The following FGF10 variants were observed in gnomAD, a reference collection of about 807,000 sequenced individuals.
FGF10 encodes the protein FGF-10.
FGF10 carries 2 observed loss-of-function variants against 19.8 expected under a neutral mutation model. The observed-to-expected ratio is 0.10, with a 90% confidence interval of 0.04 to 0.32. The LOEUF (loss-of-function observed/expected upper bound fraction) is 0.32. Among genes scored for constraint, FGF10 ranks in the 10% least tolerant of loss-of-function variants. The pLI, the probability that FGF10 is intolerant of heterozygous loss-of-function variation, is 1.00. For missense variants in FGF10, 191 were observed against 246.3 expected, an observed-to-expected ratio of 0.78 and a Z score of 1.50; for synonymous variants, 112 against 94.0, an observed-to-expected ratio of 1.19 and a Z score of -1.10.
At position 44,353,062 on chromosome 5, in the gene FGF10, A is replaced by C. The variant is rs147913997; in HGVS notation, c.325+35296T>G. Among the ~76,000 whole-genome samples, 75 of 151,728 alleles carry C rather than the reference A, an allele frequency of 4.9e-4. 1 individual carries two copies. The East Asian group carries it at 0.014, about 28-fold the overall frequency. ...GAAACCAAATAGTCTCTGTGTTCTC[A>C]TTTTTATTACAGAGACGCAACTGAT... On this transcript the variant is annotated intron_variant, in intron 1 of 2. Transcript: ENST00000264664.
chr5:44,367,845 T>G (rs995034042), intron 1 of FGF10, among the ~76,000 whole-genome samples: 1 of 254 alleles, frequency 3.9e-3, no homozygotes, highest in South Asian at 0.25. Flanking sequence ...TGTATGCTGT[T>G]TTTTTTTTTT....
At chr5:44,326,680 A>G (rs1349499757) in intron 1 of FGF10, among the ~76,000 whole-genome samples, 2 of 151,806 alleles carry the variant, frequency 1.3e-5, no homozygotes, top group African/African-American at 2.4e-5. Flanking sequence ...AAGTGTTGAG[A>G]CCACCCTTAG....
At chr5:44,305,566 G>A (rs1740056620) in intron 2 of FGF10, among the ~76,000 whole-genome samples, 1 of 152,066 alleles carries the variant, frequency 6.6e-6, no homozygotes, top group Non-Finnish European at 1.5e-5. Flanking sequence ...TTCTTTTACA[G>A]TAATAACCAG....
intron 1 of FGF10, among the ~76,000 whole-genome samples, chr5:44,362,923 T>C (rs1400533295): frequency 1.3e-5 from 2 of 151,760 alleles, no homozygotes; most frequent in Non-Finnish European, 2.9e-5. Flanking sequence ...TGTTTATGCG[T>C]CTGTCTCTGG....
intron 1 of FGF10, among the ~76,000 whole-genome samples, chr5:44,337,483 C>T (rs1254438377): frequency 6.6e-6 from 1 of 152,164 alleles, no homozygotes; most frequent in Non-Finnish European, 1.5e-5. Context: ...ACCATCATTA[C>T]CTTTTGATGA....
chr5:44,311,337 A>C (rs1374963), intron 1 of FGF10, among the ~76,000 whole-genome samples: 151,654 of 152,166 alleles, frequency 1, 75,577 homozygotes, highest in Middle Eastern at 1. Context: ...ATCGTCTACT[A>C]AAAGTGCCCA....
intron 1 of FGF10, among the ~76,000 whole-genome samples, chr5:44,361,861 G>A (rs149971457): frequency 1.7e-4 from 26 of 151,296 alleles, no homozygotes; most frequent in Admixed American, 8.6e-4. Context: ...ATTTCCTTTC[G>A]TCTGCATCTG....
chr5:44,375,982 T>C (rs1454796909), intron 1 of FGF10, among the ~76,000 whole-genome samples: 1 of 152,146 alleles, frequency 6.6e-6, no homozygotes, highest in Non-Finnish European at 1.5e-5. Flanking sequence ...GATGAAAGCA[T>C]TAATCTGCTG....
intron 1 of FGF10, among the ~76,000 whole-genome samples, chr5:44,379,640 T>C (rs2111914792): frequency 6.6e-6 from 1 of 152,352 alleles, no homozygotes; most frequent in East Asian, 1.9e-4. Flanking sequence ...CGATGACTTC[T>C]GTGGGACTTC....
At chr5:44,373,300 T>C (rs1285310927) in intron 1 of FGF10, among the ~76,000 whole-genome samples, 1 of 152,202 alleles carries the variant, frequency 6.6e-6, no homozygotes, top group Non-Finnish European at 1.5e-5. Flanking sequence ...GTCGTACCCT[T>C]AGCCTTCTCT....
intron 1 of FGF10, among the ~76,000 whole-genome samples, chr5:44,313,861 C>T (rs1476755341): frequency 6.6e-6 from 1 of 152,032 alleles, no homozygotes; most frequent in Non-Finnish European, 1.5e-5. Context: ...GAAGGGTACG[C>T]TTTTAGAAAA....
intron 1 of FGF10, among the ~76,000 whole-genome samples, chr5:44,325,919 C>T (rs960153808): frequency 2.6e-5 from 4 of 151,978 alleles, no homozygotes; most frequent in African/African-American, 9.7e-5. Flanking sequence ...CTCTATATTT[C>T]AACAAAATAG....
intron 1 of FGF10, among the ~76,000 whole-genome samples, chr5:44,376,092 T>C (rs994979039): frequency 1.3e-5 from 2 of 152,104 alleles, no homozygotes; most frequent in Non-Finnish European, 2.9e-5. Flanking sequence ...AGAACTAACA[T>C]TGTCAAACTC....
chr5:44,323,777 C>T (rs534142412), intron 1 of FGF10, among the ~76,000 whole-genome samples: 2 of 152,184 alleles, frequency 1.3e-5, no homozygotes, highest in South Asian at 4.1e-4. Context: ...TCCTGTTTTA[C>T]TTTTTAAAAA....
Position 44,384,840 on chromosome 5 carries a change from T to C in FGF10, c.325+3518A>G, listed in dbSNP as rs567161626. ...TCCCAGAAAGGCCCAGGAGCCTTTT[T>C]TGTGAGTTTCCCTTTTTGGAATATC... On this transcript the variant is annotated intron_variant, in intron 1 of 2. Coordinates refer to ENST00000264664, the MANE Select transcript of FGF10 (RefSeq NM_004465.2). Among the ~76,000 whole-genome samples, 7 of 152,270 alleles carry C rather than the reference T, an allele frequency of 4.6e-5. No homozygotes were observed. In the East Asian group the frequency reaches 1.2e-3, roughly 25 times the overall value.
At chr5:44,339,537 G>A in intron 1 of FGF10, among the ~76,000 whole-genome samples, 1 of 152,128 alleles carries the variant, frequency 6.6e-6, no homozygotes, top group Non-Finnish European at 1.5e-5. Context: ...TTGCGTATTT[G>A]CAAATTATCT....
intron 1 of FGF10, among the ~76,000 whole-genome samples, chr5:44,374,064 G>C (rs1247354440): frequency 6.6e-6 from 1 of 152,148 alleles, no homozygotes; most frequent in Non-Finnish European, 1.5e-5. Context: ...TCTGGGCCTA[G>C]AGCAAGGTGT....
chr5:44,380,124 G>C (rs1741954104), intron 1 of FGF10, among the ~76,000 whole-genome samples: 1 of 151,962 alleles, frequency 6.6e-6, no homozygotes, highest in Non-Finnish European at 1.5e-5. Flanking sequence ...CCATTATAAA[G>C]GTATCTTACT....
intron 1 of FGF10, among the ~76,000 whole-genome samples, chr5:44,314,644 ATTGT>A (rs1030458823): frequency 1.1e-4 from 16 of 152,034 alleles, no homozygotes; most frequent in African/African-American, 3.9e-4. Context: ...CATATATATA[ATTGT>A]TTGGGCTGGT....
Sources: allele counts gnomAD v4.1 joint callset (sites outside exome capture counted in the v4.1 genomes callset), GRCh38; gene constraint gnomAD v4.1.1; transcripts MANE v1.5; gene names NCBI Gene and HGNC (gene_info 2026-07-23, HGNC 2026-07-21).